The following SNX27 variants were observed in gnomAD, a reference collection of about 807,000 sequenced individuals.
The protein encoded by SNX27 is sorting nexin 27.
In SNX27, 22 loss-of-function variants were observed where a neutral mutation model predicts 71.6. The observed-to-expected ratio is 0.31, with a 90% CI of 0.22 to 0.44. The LOEUF (loss-of-function observed/expected upper bound fraction) is 0.44. Ranked by LOEUF, SNX27 falls within the 20% of genes least tolerant of loss-of-function variation. The pLI, the probability that SNX27 is intolerant of heterozygous loss-of-function variation, is 1.00. For missense variants in SNX27, 531 were observed against 698.6 expected, an observed-to-expected ratio of 0.76 and a Z score of 2.70; for synonymous variants, 269 against 277.2, an observed-to-expected ratio of 0.97 and a Z score of 0.29.
chr1:151,662,720 T>A (rs1670015077), intron 5 of SNX27: 1 of 152,982 alleles, frequency 6.5e-6, no homozygotes, highest in Non-Finnish European at 1.5e-5. Context: ...CCTGATCTCA[T>A]GATCCACCCA....
rs1458913972 is a variant in SNX27, at chr1:151,666,854, C to T, written c.985+843C>T. 1.3e-5 allele frequency: 2 copies of T among 152,088 alleles called. 1 individual carries two copies. The highest frequency in any genetic ancestry group is 4.8e-5 in the African/African-American group (2 of 41,402). 9.4% of individuals were successfully genotyped at this position (152,088 alleles called of 1,614,324 possible). A position where few individuals can be genotyped will look rare whatever the true frequency, so the allele number is the denominator to read the frequency against. On this transcript the variant is annotated intron_variant, in intron 6 of 11. Transcript: ENST00000458013. ...AACTAGACAGATGTAAATTATGTTA[C>T]AAAGGATTACTAAGGTACCAGGACA...
intron 1 of SNX27, among the ~76,000 whole-genome samples, chr1:151,637,763 T>G (rs1319664178): frequency 1.3e-5 from 2 of 152,244 alleles, no homozygotes; most frequent in African/African-American, 2.4e-5. Context: ...AGAGACAATT[T>G]CAGTGACTGA....
chr1:151,696,505 C>CTTTCGTTCTTTCGTTCTTTT lies in SNX27; in HGVS notation c.*2088_*2089insTTTCGTTCTTTCGTTCTTTT, dbSNP rs1671728903. The CTTTCGTTCTTTCGTTCTTTT allele has an allele frequency of 9.3e-6, 1 of 107,504 alleles. No individual in the cohort carries two copies. Among genetic ancestry groups the CTTTCGTTCTTTCGTTCTTTT allele is most frequent in the African/African-American group, 3.9e-5 (1 of 25,362 alleles). The allele number at this position is 107,504 out of a possible 1,614,324, so 6.7% of individuals were successfully genotyped here. Reference sequence around the variant, plus strand: ...TCTTTCTTTCTTTCTTTCTTTCTTTCGTTCTTTCGTTCTTTCGTTCTTTCT... The same window carrying CTTTCGTTCTTTCGTTCTTTT: ...TCTTTCTTTCTTTCTTTCTTTCTTTCTTTCGTTCTTTCGTTCTTTTGTTCTTTCGTTCTTTCGTTCTTTCT... On this transcript the variant is annotated 3_prime_UTR_variant, in exon 12 of 12. Coordinates refer to ENST00000458013, the MANE Select transcript of SNX27 (RefSeq NM_001330723.2).
At chr1:151,616,097 T>C (rs1667412910) in intron 1 of SNX27, among the ~76,000 whole-genome samples, 1 of 152,230 alleles carries the variant, frequency 6.6e-6, no homozygotes, top group African/African-American at 2.4e-5. Flanking sequence ...CCTTGTAATT[T>C]TTCCCAGTGT....
intron 2 of SNX27, among the ~76,000 whole-genome samples, chr1:151,652,403 CTTTTTTTTTTTTT>C (rs993535169): frequency 7.5e-6 from 1 of 133,274 alleles, no homozygotes; most frequent in African/African-American, 2.8e-5. Flanking sequence ...GATACCACGC[CTTTTTTTTTTTTT>C]TTTTTTTCCT....
Position 151,658,293 on chromosome 1 carries a change from C to G in SNX27, c.602C>G (p.Ala201Gly), listed in dbSNP as rs761888178. 1 of 1,614,094 alleles carries G rather than the reference C, an allele frequency of 6.2e-7. No individual in the cohort carries two copies. The highest frequency in any genetic ancestry group is 8.5e-7 in the Non-Finnish European group (1 of 1,179,976). ...TGTTCTAAGCGGTACCGGGAGTTTG[C>G]TATCCTACACCAGAACCTGAAGAGA... ...QLCSKRYREF[A>G]ILHQNLKREF... The change falls in exon 3 of 12, where the codon GCT becomes GGT. Residue 201 changes from alanine to glycine, a missense_variant. Transcript: ENST00000458013.
intron 8 of SNX27, among the ~76,000 whole-genome samples, chr1:151,690,982 T>C (rs910612688): frequency 6.6e-6 from 1 of 152,214 alleles, no homozygotes. Flanking sequence ...CTGTTTATTA[T>C]AACCCCAGAA....
At chr1:151,637,279 C>T (rs1399017698) in intron 1 of SNX27, among the ~76,000 whole-genome samples, 3 of 151,592 alleles carry the variant, frequency 2.0e-5, no homozygotes, top group Non-Finnish European at 2.9e-5. Flanking sequence ...GCCGGGTTCA[C>T]GCCATTCTCC....
chr1:151,671,829 C>T lies in SNX27; in HGVS notation c.1149+3194C>T, dbSNP rs1360733956. Among the ~76,000 whole-genome samples, 9 of 151,890 alleles carry T rather than the reference C, an allele frequency of 5.9e-5. 1 individual carries two copies. The highest frequency in any genetic ancestry group is 2.2e-4 in the African/African-American group (9 of 41,346). On this transcript the variant is annotated intron_variant, in intron 7 of 11. Coordinates refer to ENST00000458013, the MANE Select transcript of SNX27 (RefSeq NM_001330723.2). ...TGTTCACTGTTGGCATATAGAAATG[C>T]TGCTGATTTTTGTTGTTGATTTTGT...
intron 1 of SNX27, among the ~76,000 whole-genome samples, chr1:151,625,990 G>C (rs997382902): frequency 6.6e-6 from 1 of 151,782 alleles, no homozygotes; most frequent in Non-Finnish European, 1.5e-5. Flanking sequence ...TGGGCCGGGC[G>C]CAATGGCCCA....
chr1:151,637,153 G>GTTTTTTTTTTTTT (rs200938062), intron 1 of SNX27, among the ~76,000 whole-genome samples: 2 of 64,082 alleles, frequency 3.1e-5, no homozygotes. Flanking sequence ...AGTTGATCAC[G>GTTTTTTTTTTTTT]TTTTTTTTGT....
At chr1:151,651,110 T>G (rs1558053003) in intron 2 of SNX27, among the ~76,000 whole-genome samples, 1 of 151,918 alleles carries the variant, frequency 6.6e-6, no homozygotes, top group Non-Finnish European at 1.5e-5. Context: ...CTCAATGAGC[T>G]GTTGGGCACA....
chr1:151,643,264 TTTTATTTA>T (rs201505831), intron 2 of SNX27, among the ~76,000 whole-genome samples: 49,532 of 138,866 alleles, frequency 0.36, 10,277 homozygotes, highest in Non-Finnish European at 0.49. Flanking sequence ...ACGCCTGGCC[TTTTATTTA>T]TTTATTTATT....
intron 2 of SNX27, among the ~76,000 whole-genome samples, chr1:151,641,661 A>AGATATATATATCATATATATCT (rs1668752117): frequency 7.9e-6 from 1 of 126,132 alleles, no homozygotes; most frequent in African/African-American, 2.9e-5. Context: ...CATATGTATC[A>AGATATATATATCATATATATCT]GATATATATA....
At chr1:151,639,333 T>C (rs1668615220) in intron 2 of SNX27, among the ~76,000 whole-genome samples, 1 of 147,664 alleles carries the variant, frequency 6.8e-6, no homozygotes, top group Non-Finnish European at 1.5e-5. Flanking sequence ...AGCTTGAGTA[T>C]AATTCCATTT....
chr1:151,650,590 TTC>T (rs1464122246), intron 2 of SNX27, among the ~76,000 whole-genome samples: 5 of 152,140 alleles, frequency 3.3e-5, no homozygotes, highest in Non-Finnish European at 5.9e-5. Context: ...GCTCTAATTT[TTC>T]TCTTTTTTTT....
intron 1 of SNX27, among the ~76,000 whole-genome samples, chr1:151,616,871 A>G (rs1406635543): frequency 6.6e-6 from 1 of 152,206 alleles, no homozygotes; most frequent in Non-Finnish European, 1.5e-5. Context: ...GTTATGATTC[A>G]GTAGATCTTT....
rs948529285 is a variant in SNX27 at position 151,696,444 on chromosome 1, A to G, written c.*2027A>G. On this transcript the variant is annotated 3_prime_UTR_variant, in exon 12 of 12. Transcript: ENST00000458013. ...TCTTTTTTGTAATTTGTTTTTGCAA[A>G]TCATTGTGAGGCCACTTTTTCTTTC... 9 of 143,190 alleles carry G rather than the reference A, an allele frequency of 6.3e-5. No individual in the cohort carries two copies. The highest frequency in any genetic ancestry group is 2.3e-4 in the African/African-American group (9 of 39,130). 8.9% of individuals were successfully genotyped at this position (143,190 alleles called of 1,614,324 possible).
intron 1 of SNX27, among the ~76,000 whole-genome samples, chr1:151,637,057 C>T (rs1479224978): frequency 6.6e-6 from 1 of 151,668 alleles, no homozygotes; most frequent in Non-Finnish European, 1.5e-5. Context: ...AATTCTGGTA[C>T]TAATAGTCAG....
Sources: gnomAD v4.1 joint callset for allele counts (sites outside exome capture counted in the v4.1 genomes callset) on GRCh38, gnomAD v4.1.1 for gene constraint, MANE v1.5 for transcripts, NCBI Gene and HGNC (gene_info 2026-07-23, HGNC 2026-07-21) for gene names.